Variants in MRAP2 observed in about 807,000 individuals in gnomAD.
MRAP2 encodes the protein melanocortin-2 receptor accessory protein 2.
MRAP2 carries 20 observed loss-of-function variants against 17.4 expected under a neutral mutation model. That is an observed-to-expected ratio of 1.15 (90% CI 0.81 to 1.67). The LOEUF (loss-of-function observed/expected upper bound fraction) is 1.67. Ranked by LOEUF, MRAP2 falls within the 40% of genes most tolerant of loss-of-function variation. The pLI is 0.00. For synonymous variants in MRAP2, 96 were observed against 88.4 expected (o/e 1.09, Z -0.48); for missense variants, 238 against 240.0 (o/e 0.99, Z 0.05).
At chr6:84,096,470 A>G in the MRAP2 span, among the ~76,000 whole-genome samples, 1 of 152,216 alleles carries the variant, frequency 6.6e-6, no homozygotes, top group African/African-American at 2.4e-5. Context: ...CACAGACCCT[A>G]TGACCTACCA....
the MRAP2 span, among the ~76,000 whole-genome samples, chr6:84,098,976 T>A: frequency 3.3e-5 from 5 of 152,222 alleles, no homozygotes; most frequent in South Asian, 2.1e-4. Flanking sequence ...ATAATTTTTT[T>A]AATAGATATC....
intron 3 of MRAP2, among the ~76,000 whole-genome samples, chr6:84,064,635 C>G (rs373984287): frequency 6.6e-6 from 1 of 152,102 alleles, no homozygotes; most frequent in Non-Finnish European, 1.5e-5. Flanking sequence ...CTACAGGCAC[C>G]CACCACCACG....
chr6:84,037,778 C>T (rs2099486534), intron 1 of MRAP2, among the ~76,000 whole-genome samples: 1 of 152,134 alleles, frequency 6.6e-6, no homozygotes, highest in African/African-American at 2.4e-5. Flanking sequence ...TCTGCGCCCA[C>T]CTAGAACTCA....
the MRAP2 span, among the ~76,000 whole-genome samples, chr6:84,135,261 T>C: frequency 1.3e-5 from 2 of 152,190 alleles, no homozygotes; most frequent in African/African-American, 2.4e-5. Flanking sequence ...CATAAAAGCA[T>C]ATATTCTTTA....
chr6:84,046,914 G>T (rs1249392746), intron 1 of MRAP2, among the ~76,000 whole-genome samples: 1 of 151,970 alleles, frequency 6.6e-6, no homozygotes, highest in Non-Finnish European at 1.5e-5. Flanking sequence ...TCTGTCAGGG[G>T]TTGAAAGGGA....
chr6:84,128,410 A>T, the MRAP2 span, among the ~76,000 whole-genome samples: 3 of 152,168 alleles, frequency 2.0e-5, no homozygotes, highest in East Asian at 5.8e-4. Context: ...CACATTATTT[A>T]AAAAAACTGG....
chr6:84,037,589 C>A (rs1219743095), intron 1 of MRAP2, among the ~76,000 whole-genome samples: 4 of 151,188 alleles, frequency 2.6e-5, no homozygotes, highest in African/African-American at 9.9e-5. Flanking sequence ...GGGGGCTGGG[C>A]TCTGGCATGG....
chr6:84,075,541 C>T (rs547116762), intron 3 of MRAP2, among the ~76,000 whole-genome samples: 31 of 152,240 alleles, frequency 2.0e-4, no homozygotes, highest in African/African-American at 7.0e-4. Flanking sequence ...AGCTAAGGAA[C>T]CATTTACTCT....
the MRAP2 span, among the ~76,000 whole-genome samples, chr6:84,115,160 G>A: frequency 6.6e-6 from 1 of 152,220 alleles, no homozygotes; most frequent in African/African-American, 2.4e-5. Flanking sequence ...TAAGTCTGCT[G>A]AAGCTGCACT....
intron 3 of MRAP2, among the ~76,000 whole-genome samples, chr6:84,081,097 C>T (rs1309168855): frequency 6.6e-6 from 1 of 152,166 alleles, no homozygotes; most frequent in African/African-American, 2.4e-5. Flanking sequence ...GGGATGTTGA[C>T]AAAGTCACCC....
At chr6:84,103,697 T>C in the MRAP2 span, among the ~76,000 whole-genome samples, 1 of 152,322 alleles carries the variant, frequency 6.6e-6, no homozygotes, top group Admixed American at 6.5e-5. Flanking sequence ...TCCAAGAAGT[T>C]TCATAGACCT....
At chr6:84,035,938 A>G (rs936581708) in intron 1 of MRAP2, among the ~76,000 whole-genome samples, 12 of 152,236 alleles carry the variant, frequency 7.9e-5, no homozygotes, top group African/African-American at 2.7e-4. Context: ...AATTGTATAA[A>G]GAGAATATCA....
At chr6:84,068,901 T>A (rs974201966) in intron 3 of MRAP2, among the ~76,000 whole-genome samples, 6 of 149,996 alleles carry the variant, frequency 4.0e-5, no homozygotes, top group Non-Finnish European at 8.9e-5. Flanking sequence ...ACTCCTGAGC[T>A]CAGGCAATCC....
At chr6:84,042,679 G>A (rs564787878) in intron 1 of MRAP2, among the ~76,000 whole-genome samples, 47 of 152,164 alleles carry the variant, frequency 3.1e-4, no homozygotes, top group Non-Finnish European at 5.3e-4. Context: ...GCTATGGGGT[G>A]CCTTGAGCCT....
intron 3 of MRAP2, among the ~76,000 whole-genome samples, chr6:84,083,594 G>A (rs917041253): frequency 6.6e-5 from 10 of 152,072 alleles, no homozygotes; most frequent in African/African-American, 1.4e-4. Context: ...CAGTAAACCC[G>A]GGCAAAATTG....
At chr6:84,079,604 C>T (rs1309172623) in intron 3 of MRAP2, among the ~76,000 whole-genome samples, 2 of 152,164 alleles carry the variant, frequency 1.3e-5, no homozygotes, top group South Asian at 2.1e-4. Flanking sequence ...GTGGTGTCCA[C>T]GATGAGTTTT....
chr6:84,060,670 T>C (rs2099492889), intron 2 of MRAP2, among the ~76,000 whole-genome samples: 3 of 151,788 alleles, frequency 2.0e-5, no homozygotes, highest in Admixed American at 6.6e-5. Context: ...ACATGTGGTG[T>C]TTGGTATTTG....
At chr6:84,115,415 G>A in the MRAP2 span, among the ~76,000 whole-genome samples, 2 of 152,258 alleles carry the variant, frequency 1.3e-5, no homozygotes, top group African/African-American at 4.8e-5. Context: ...AATGGTGGAC[G>A]CCCCTTCACC....
rs2099486139 is a variant in MRAP2, at chr6:84,036,780, C to T, written c.-8+2897C>T. Among the ~76,000 whole-genome samples the T allele has an allele frequency of 4.6e-5, 7 of 152,310 alleles. No homozygotes were observed. The South Asian group carries it at 1.5e-3, about 32-fold the overall frequency. On this transcript the variant is annotated intron_variant, in intron 1 of 3. Coordinates refer to ENST00000257776, the MANE Select transcript of MRAP2 (RefSeq NM_138409.4). ...ACAGAGAACTGATTGGTCTGTTTCA[C>T]AGAGAGCTGATTGGTCCGTTTTGAC... is the stretch of plus-strand genomic sequence containing the variant.
Sources: allele counts gnomAD v4.1 joint callset (sites outside exome capture counted in the v4.1 genomes callset), GRCh38; gene constraint gnomAD v4.1.1; transcripts MANE v1.5; gene names NCBI Gene and HGNC (gene_info 2026-07-23, HGNC 2026-07-21).